SH2D4A: variants seen among roughly 807,000 people sequenced by gnomAD.
The protein encoded by SH2D4A is SH2 domain-containing protein 4A.
Under a neutral mutation model 64.7 loss-of-function variants are expected in SH2D4A, and 70 were observed. That is an observed-to-expected ratio of 1.08 (90% CI 0.89 to 1.32). The LOEUF is 1.32. Among genes scored for constraint, SH2D4A ranks in the 40% most tolerant of loss-of-function variants. The pLI, the probability that SH2D4A is intolerant of heterozygous loss-of-function variation, is 0.00. For missense variants in SH2D4A, 706 were observed against 540.1 expected, an observed-to-expected ratio of 1.31 and a Z score of -3.04; for synonymous variants, 268 against 200.7, an observed-to-expected ratio of 1.34 and a Z score of -2.83.
chr8:19,386,222 T>C (rs1226978764), intron 8 of SH2D4A, among the ~76,000 whole-genome samples: 1 of 152,186 alleles, frequency 6.6e-6, no homozygotes, highest in Non-Finnish European at 1.5e-5. Flanking sequence ...CCCTATAAAA[T>C]TGCCTAGTAT....
At chr8:19,337,127 G>C (rs1185158026) in intron 4 of SH2D4A, among the ~76,000 whole-genome samples, 2 of 152,140 alleles carry the variant, frequency 1.3e-5, no homozygotes, top group African/African-American at 4.8e-5. Context: ...TATGGAAATA[G>C]ATGGGTGACA....
At chr8:19,373,437 T>G in intron 7 of SH2D4A, 93 bp from the exon 8 acceptor site, 1 of 821,672 alleles carries the variant, frequency 1.2e-6, no homozygotes, top group Non-Finnish European at 1.7e-6. Context: ...TATATGTATG[T>G]GTGTGTGTAT....
intron 1 of SH2D4A, among the ~76,000 whole-genome samples, chr8:19,318,608 A>T (rs2052130418): frequency 6.6e-6 from 1 of 152,112 alleles, no homozygotes; most frequent in Non-Finnish European, 1.5e-5. Context: ...CCCCTAGTTT[A>T]TCTGGTCTGT....
At chr8:19,360,018 G>T (rs1585180134) in intron 5 of SH2D4A, among the ~76,000 whole-genome samples, 1 of 152,168 alleles carries the variant, frequency 6.6e-6, no homozygotes, top group South Asian at 2.1e-4. Flanking sequence ...TGTAAATTCA[G>T]TCGTCTTGTG....
chr8:19,382,964 T>G (rs538344519), intron 8 of SH2D4A, among the ~76,000 whole-genome samples: 1 of 151,726 alleles, frequency 6.6e-6, no homozygotes, highest in South Asian at 2.1e-4. Flanking sequence ...GTCAAGTAGT[T>G]GGGACTATAG....
chr8:19,388,078 G>T, intron 8 of SH2D4A, among the ~76,000 whole-genome samples: 1 of 152,154 alleles, frequency 6.6e-6, no homozygotes, highest in Non-Finnish European at 1.5e-5. Context: ...TCTTCTTTAA[G>T]TTGCCAAGGT....
intron 4 of SH2D4A, among the ~76,000 whole-genome samples, chr8:19,345,049 C>T (rs2052590619): frequency 1.3e-5 from 2 of 152,168 alleles, no homozygotes; most frequent in Admixed American, 1.3e-4. Context: ...ACTGGATTTT[C>T]ATTTTGACTT....
At chr8:19,365,794 C>T (rs1254084728) in intron 7 of SH2D4A, among the ~76,000 whole-genome samples, 1 of 146,494 alleles carries the variant, frequency 6.8e-6, no homozygotes, top group Non-Finnish European at 1.5e-5. Flanking sequence ...AGAGCCACCC[C>T]AGGAAAAGAC....
At chr8:19,362,022 A>G (rs1307124946) in intron 6 of SH2D4A, among the ~76,000 whole-genome samples, 1 of 152,158 alleles carries the variant, frequency 6.6e-6, no homozygotes, top group Admixed American at 6.5e-5. Flanking sequence ...ATGCTAGAAG[A>G]ATTAGGTTTG....
intron 6 of SH2D4A, among the ~76,000 whole-genome samples, chr8:19,361,984 C>G (rs1019922329): frequency 1.3e-5 from 2 of 152,184 alleles, no homozygotes; most frequent in Admixed American, 1.3e-4. Context: ...GCCCATGCAA[C>G]TGAAGGCAGA....
Position 19,325,996 on chromosome 8 carries a change from T to C in SH2D4A, c.181+6268T>C, listed in dbSNP as rs149102230. 3.4e-3 allele frequency among the ~76,000 whole-genome samples: 522 copies of C among 152,284 alleles called. 9 individuals carry two copies. Among genetic ancestry groups the C allele is most frequent in the Admixed American group, 0.031 (468 of 15,292 alleles). On this transcript the variant is annotated intron_variant, in intron 2 of 9. Transcript: ENST00000265807. ...CAACTTCACATCCCTGCTTGCCCAG[T>C]GGGGTCCTGTGTGTGGTTGCCACCC...
In SH2D4A at chr8:19,364,176, G is replaced by C. The variant is rs149343810; in HGVS notation, c.811G>C (p.Glu271Gln). Residue 271 changes from glutamate (E) to glutamine (Q), a missense_variant, in exon 7 of 10, where the codon GAG becomes CAG. By Grantham distance (29) the Glu-to-Gln change is conservative. Transcript: ENST00000265807. Reference sequence around the variant, plus strand: ...CGGGGCCCAGAAAGGAAGAGGCGGTGAGAGGCTGCAAAGCCCCTTGCGTGT... The same window carrying C: ...CGGGGCCCAGAAAGGAAGAGGCGGTCAGAGGCTGCAAAGCCCCTTGCGTGT... ...SLGAQKGRGG[E>Q]RLQSPLRVPQ... The C allele has an allele frequency of 2.5e-6, 4 of 1,614,154 alleles. No homozygotes were observed. Among genetic ancestry groups the C allele is most frequent in the Non-Finnish European group, 2.5e-6 (3 of 1,180,006 alleles).
chr8:19,317,644 A>G (rs1387452986), intron 1 of SH2D4A, among the ~76,000 whole-genome samples: 1 of 152,162 alleles, frequency 6.6e-6, no homozygotes, highest in African/African-American at 2.4e-5. Flanking sequence ...CTTTGCACGG[A>G]AGAGGAGGAA....
intron 2 of SH2D4A, among the ~76,000 whole-genome samples, chr8:19,330,233 C>T (rs1218460480): frequency 6.6e-6 from 1 of 152,184 alleles, no homozygotes; most frequent in Non-Finnish European, 1.5e-5. Context: ...ACTCATTATA[C>T]TAGAACAACT....
intron 1 of SH2D4A, among the ~76,000 whole-genome samples, chr8:19,317,470 C>G (rs144323389): frequency 6.7e-6 from 1 of 148,466 alleles, no homozygotes; most frequent in Non-Finnish European, 1.5e-5. Context: ...TGAATGCTGC[C>G]GAGATGATAG....
At position 19,393,587 on chromosome 8, in the gene SH2D4A, G is replaced by T; in HGVS notation, c.1272+46G>T. On this transcript the variant is annotated intron_variant, in intron 9 of 9. Coordinates refer to ENST00000265807, the MANE Select transcript of SH2D4A (RefSeq NM_022071.4). ...AATTTGCCTTCTGAGTTACTGTCCT[G>T]TAGCAGCTCTAACAATGAATGACAA... 3.2e-6 allele frequency: 5 copies of T among 1,575,646 alleles called. No homozygotes were observed. In the South Asian group the frequency reaches 4.5e-5, roughly 14 times the overall value.
chr8:19,342,672 T>C (rs559821930), intron 4 of SH2D4A, among the ~76,000 whole-genome samples: 35 of 152,332 alleles, frequency 2.3e-4, no homozygotes, highest in African/African-American at 7.5e-4. Flanking sequence ...CTGGGTCTTC[T>C]ACCTTATTCA....
chr8:19,375,465 T>C (rs1277422876), intron 8 of SH2D4A: 1 of 152,196 alleles, frequency 6.6e-6, no homozygotes, highest in African/African-American at 2.4e-5. Context: ...GCCTAATTTT[T>C]CACTCCACAA....
At chr8:19,385,884 A>G (rs1249104426) in intron 8 of SH2D4A, among the ~76,000 whole-genome samples, 3 of 152,214 alleles carry the variant, frequency 2.0e-5, no homozygotes, top group African/African-American at 7.2e-5. Flanking sequence ...TTGTGGGGCT[A>G]TCAATATTCT....
Sources: allele counts gnomAD v4.1 joint callset (sites outside exome capture counted in the v4.1 genomes callset), GRCh38; gene constraint gnomAD v4.1.1; transcripts MANE v1.5; gene names NCBI Gene and HGNC (gene_info 2026-07-23, HGNC 2026-07-21).